MYO16: variants seen among roughly 807,000 people sequenced by gnomAD.
MYO16 encodes unconventional myosin-XVI.
MYO16 carries 94 observed loss-of-function variants against 205.3 expected under a neutral mutation model. The ratio of observed to expected loss-of-function variants is 0.46; its 90% CI spans 0.39 to 0.54. The LOEUF (loss-of-function observed/expected upper bound fraction) is 0.54. MYO16 is among the 20% of genes least tolerant of loss of function. The pLI, the probability that MYO16 is intolerant of heterozygous loss-of-function variation, is 0.00. For synonymous variants in MYO16, 988 were observed against 954.0 expected (o/e 1.04, Z -0.66); for missense variants, 2,315 against 2,387.5 (o/e 0.97, Z 0.63).
chr13:109,173,863 G>A (rs1337547269), intron 33 of MYO16, among the ~76,000 whole-genome samples: 2 of 131,476 alleles, frequency 1.5e-5, no homozygotes, highest in Non-Finnish European at 3.1e-5. Flanking sequence ...GCTCCAGCCT[G>A]GGTGACAGAG....
chr13:108,521,644 C>G, the MYO16 span, among the ~76,000 whole-genome samples: 1 of 152,142 alleles, frequency 6.6e-6, no homozygotes, highest in Admixed American at 6.6e-5. Flanking sequence ...TAAGTGTGCT[C>G]TTTATGTCTG....
Position 109,046,934 on chromosome 13 carries a change from G to A in MYO16, c.2815G>A (p.Gly939Arg), listed in dbSNP as rs537989726. ...YAGRVMYDVV[G>R]AIEKNKDSLS... ...ATTCTAGGTAATGTATGATGTTGTT[G>A]GGGCGATTGAAAAAAATAAAGACTC... The change falls in exon 24 of 35, where the codon GGG becomes AGG. Residue 939 changes from glycine (G) to arginine (R), a missense_variant. By Grantham distance (125) the Gly-to-Arg change is moderately radical. This residue lies in a region of MYO16 where 1,213 missense variants were observed against 1,274.4 expected (regional missense o/e 0.95). Coordinates refer to ENST00000457511, the MANE Select transcript of MYO16 (RefSeq NM_001198950.3). 1.9e-5 allele frequency: 31 copies of A among 1,609,942 alleles called. No individual in the cohort carries two copies. In the East Asian group the frequency reaches 4.5e-4, roughly 23 times the overall value.
At chr13:108,873,665 AG>A (rs1879182688) in intron 12 of MYO16, among the ~76,000 whole-genome samples, 1 of 128,584 alleles carries the variant, frequency 7.8e-6, no homozygotes, top group Non-Finnish European at 1.7e-5. Context: ...CCAACCAACC[AG>A]GACAGGGTCC....
chr13:108,599,415 A>G (rs1878681786), intron 1 of MYO16, among the ~76,000 whole-genome samples: 1 of 151,930 alleles, frequency 6.6e-6, no homozygotes, highest in South Asian at 2.1e-4. Context: ...AGGAATCGCC[A>G]CACTGACTTC....
rs114676292 is a variant in MYO16, at chr13:109,194,296, G to A, written c.5416-12313G>A. On this transcript the variant is annotated intron_variant, in intron 34 of 34. Transcript: ENST00000457511. The stretch of plus-strand genomic sequence containing the variant: ...TTGACACGGAAAACTTTTTTGGAAG[G>A]CAATGTAATTAATACATATAAAAAC... Among the ~76,000 whole-genome samples the A allele has an allele frequency of 4.9e-3, 744 of 152,146 alleles. 7 individuals carry two copies. Among genetic ancestry groups the A allele is most frequent in the African/African-American group, 0.016 (677 of 41,530 alleles).
intron 6 of MYO16, 67 bp from the exon 7 acceptor site, chr13:108,806,612 C>T: frequency 7.0e-7 from 1 of 1,431,114 alleles, no homozygotes; most frequent in Non-Finnish European, 9.7e-7. Context: ...CTCTTTAAAC[C>T]ACTGAGTGAA....
intron 4 of MYO16, among the ~76,000 whole-genome samples, chr13:108,770,216 C>G (rs1885916929): frequency 6.6e-6 from 1 of 152,060 alleles, no homozygotes; most frequent in Non-Finnish European, 1.5e-5. Flanking sequence ...GCATTGAATG[C>G]TTACAGCATG....
chr13:108,595,199 C>T (rs1471037276), upstream of MYO16, among the ~76,000 whole-genome samples: 1 of 152,114 alleles, frequency 6.6e-6, no homozygotes, highest in East Asian at 1.9e-4. Context: ...ATATGGATTT[C>T]TTTCAGGGAC....
At chr13:109,146,986 C>A (rs894969288) in intron 32 of MYO16, among the ~76,000 whole-genome samples, 1 of 151,772 alleles carries the variant, frequency 6.6e-6, no homozygotes, top group Non-Finnish European at 1.5e-5. Context: ...AATAAGTACT[C>A]AAACCAATCA....
chr13:108,714,612 GTA>G (rs920115318), intron 3 of MYO16, among the ~76,000 whole-genome samples: 10 of 140,824 alleles, frequency 7.1e-5, no homozygotes, highest in African/African-American at 1.9e-4. Context: ...GTGTGTGTGT[GTA>G]TATATATAGA....
intron 1 of MYO16, among the ~76,000 whole-genome samples, chr13:108,600,547 T>C (rs1419218561): frequency 6.6e-6 from 1 of 152,158 alleles, no homozygotes; most frequent in Non-Finnish European, 1.5e-5. Context: ...TTTTTACTAC[T>C]ATAGAATTTA....
At position 109,100,107 on chromosome 13, in the gene MYO16, C is replaced by T. The variant is rs576857953; in HGVS notation, c.3336-678C>T. ...AACCTTGCCTGTATCTCAGGTTAAC[C>T]ACTGTAAGTGCAAAGGGAATTTTAC... On this transcript the variant is annotated intron_variant, in intron 27 of 34. Coordinates refer to ENST00000457511, the MANE Select transcript of MYO16 (RefSeq NM_001198950.3). 3.9e-5 allele frequency among the ~76,000 whole-genome samples: 6 copies of T among 152,280 alleles called. No individual in the cohort carries two copies. In the East Asian group the frequency reaches 5.8e-4, roughly 15 times the overall value.
chr13:108,902,681 C>T (rs142866905), intron 15 of MYO16, among the ~76,000 whole-genome samples: 2 of 152,288 alleles, frequency 1.3e-5, no homozygotes, highest in African/African-American at 4.8e-5. Context: ...AGATGCATTG[C>T]TCCAGTCTCT....
At chr13:108,798,137 G>T (rs1307949690) in intron 6 of MYO16, among the ~76,000 whole-genome samples, 2 of 152,128 alleles carry the variant, frequency 1.3e-5, no homozygotes, top group African/African-American at 4.8e-5. Flanking sequence ...GTCTGAATTG[G>T]TTAGTCTGTA....
At chr13:109,170,995 A>G (rs940943564) in intron 33 of MYO16, among the ~76,000 whole-genome samples, 8 of 152,232 alleles carry the variant, frequency 5.3e-5, no homozygotes, top group African/African-American at 1.9e-4. Flanking sequence ...AATTATTTCA[A>G]TTGGAAATTC....
the MYO16 span, among the ~76,000 whole-genome samples, chr13:108,546,918 C>T: frequency 2.0e-4 from 30 of 152,190 alleles, no homozygotes; most frequent in African/African-American, 7.2e-4. Context: ...ATCCTTCCTC[C>T]AGGAGAAAGG....
At position 109,097,105 on chromosome 13, in the gene MYO16, G is replaced by A. The variant is rs537302541; in HGVS notation, c.3336-3680G>A. Among the ~76,000 whole-genome samples, 9 of 152,292 alleles carry A rather than the reference G, an allele frequency of 5.9e-5. No individual in the cohort carries two copies. The South Asian group carries it at 1.9e-3, about 32-fold the overall frequency. On this transcript the variant is annotated intron_variant, in intron 27 of 34. Transcript: ENST00000457511. ...AGCACTTTGGGAGGCCAAGGCGGGT[G>A]GATCACCTGAGGTCAGCAGTTCGAG...
At chr13:108,823,965 T>C (rs1339423720) in intron 9 of MYO16, among the ~76,000 whole-genome samples, 1 of 152,108 alleles carries the variant, frequency 6.6e-6, no homozygotes. Flanking sequence ...GAAATATTTG[T>C]TCGGAATCTA....
At chr13:109,193,190 C>G (rs927964796) in intron 34 of MYO16, among the ~76,000 whole-genome samples, 2 of 151,994 alleles carry the variant, frequency 1.3e-5, no homozygotes, top group African/African-American at 4.8e-5. Flanking sequence ...GTTTGTAACT[C>G]CTAAAAATTC....
Sources: allele counts gnomAD v4.1 joint callset (sites outside exome capture counted in the v4.1 genomes callset), GRCh38; gene constraint gnomAD v4.1.1; regional missense constraint gnomAD v4.1.1; transcripts MANE v1.5; gene names NCBI Gene and HGNC (gene_info 2026-07-23, HGNC 2026-07-21).